The following IRAK4 variants were observed in gnomAD, a reference collection of about 807,000 sequenced individuals.
IRAK4 encodes the protein interleukin-1 receptor-associated kinase 4.
IRAK4 carries 44 observed loss-of-function variants against 51.8 expected under a neutral mutation model. The ratio of observed to expected loss-of-function variants is 0.85; its 90% CI spans 0.67 to 1.09. The LOEUF (loss-of-function observed/expected upper bound fraction) is 1.09, where lower values mean the gene tolerates loss of function less well. Ranked by LOEUF, IRAK4 falls within the 50% of genes least tolerant of loss-of-function variation. The pLI, the probability that IRAK4 is intolerant of heterozygous loss-of-function variation, is 0.00. For missense variants in IRAK4, 487 were observed against 538.0 expected (o/e 0.91, Z 0.94); for synonymous variants, 149 against 174.1 (o/e 0.86, Z 1.13).
At chr12:43,785,061 G>A (rs1025094284) in intron 10 of IRAK4, among the ~76,000 whole-genome samples, 6 of 152,026 alleles carry the variant, frequency 3.9e-5, no homozygotes, top group African/African-American at 1.2e-4. Context: ...CTGAAATCAA[G>A]GTATGGGCAA....
chr12:43,767,225 CAAAT>C (rs1353886112), intron 1 of IRAK4, among the ~76,000 whole-genome samples: 1 of 151,950 alleles, frequency 6.6e-6, no homozygotes, highest in African/African-American at 2.4e-5. Flanking sequence ...ACACGCAGAA[CAAAT>C]AAAATCCACA....
intron 5 of IRAK4, chr12:43,773,707 T>C (rs1941006723): frequency 3.2e-6 from 1 of 317,134 alleles, no homozygotes; most frequent in African/African-American, 2.1e-5. Flanking sequence ...TCAAATTTTT[T>C]TGTGTAGTGA....
chr12:43,786,702 T>C lies in IRAK4; in HGVS notation c.1370T>C (p.Met457Thr), dbSNP rs1432906616. ...AAGGTTCAACAGCTGCTGCAAGAGA[T>C]GACAGCTTCTTAAAACTTTATTGGA... ...IKKVQQLLQE[M>T]TAS The change falls in exon 12 of 12, where the codon ATG (methionine) becomes ACG (threonine). Residue 457 changes from methionine (M) to threonine (T), a missense_variant. Met to Thr is a moderately conservative substitution (Grantham distance 81). Coordinates refer to ENST00000613694, the MANE Select transcript of IRAK4 (RefSeq NM_016123.4). 8.1e-6 allele frequency: 13 copies of C among 1,613,496 alleles called. No individual in the cohort carries two copies. The highest frequency in any genetic ancestry group is 1.3e-5 in the African/African-American group (1 of 74,914).
At chr12:43,764,037 T>G (rs766066333) in intron 1 of IRAK4, among the ~76,000 whole-genome samples, 55 of 152,224 alleles carry the variant, frequency 3.6e-4, no homozygotes, top group Non-Finnish European at 5.9e-4. Flanking sequence ...CAACCTCATT[T>G]TATTGTTGCT....
intron 10 of IRAK4, among the ~76,000 whole-genome samples, chr12:43,786,137 G>A (rs149047353): frequency 4.0e-5 from 6 of 151,028 alleles, no homozygotes; most frequent in African/African-American, 1.5e-4. Context: ...GGGTTCAAAC[G>A]ATTCTCCTGC....
chr12:43,780,260 G>C (rs1190978791), intron 8 of IRAK4, among the ~76,000 whole-genome samples: 1 of 152,126 alleles, frequency 6.6e-6, no homozygotes, highest in African/African-American at 2.4e-5. Flanking sequence ...TAGGAGTATA[G>C]ACAAGTCTTT....
chr12:43,782,942 G>A (rs1419694081), intron 9 of IRAK4, among the ~76,000 whole-genome samples: 1 of 152,096 alleles, frequency 6.6e-6, no homozygotes, highest in Non-Finnish European at 1.5e-5. Context: ...TCATAGCACT[G>A]AAAATAAGGC....
At chr12:43,779,529 A>T (rs1941590629) in intron 8 of IRAK4, among the ~76,000 whole-genome samples, 1 of 152,214 alleles carries the variant, frequency 6.6e-6, no homozygotes, top group South Asian at 2.1e-4. Context: ...AGGCTATCAT[A>T]GGTGGCAGTT....
chr12:43,771,759 C>T (rs1320658857), intron 3 of IRAK4, among the ~76,000 whole-genome samples: 2 of 151,816 alleles, frequency 1.3e-5, no homozygotes, highest in Non-Finnish European at 2.9e-5. Context: ...TGTCTAGTTG[C>T]CTTCCTTATA....
chr12:43,765,163 G>A (rs537784367), intron 1 of IRAK4, among the ~76,000 whole-genome samples: 2 of 152,280 alleles, frequency 1.3e-5, no homozygotes, highest in East Asian at 3.9e-4. Context: ...ACAACAGTTT[G>A]GGCAGCCATC....
Position 43,786,758 on chromosome 12 carries a change from C to G in IRAK4, c.*43C>G, listed in dbSNP as rs769526114. 1 of 1,518,018 alleles carries G rather than the reference C, an allele frequency of 6.6e-7. No homozygotes were observed. The highest frequency in any genetic ancestry group is 9.1e-7 in the Non-Finnish European group (1 of 1,096,612). 94.0% of individuals were successfully genotyped at this position (1,518,018 alleles called of 1,614,324 possible). ...CTCTTGACTTTTTATATACACCTAT[C>G]TCAACCATTTTTTTAACTGATTTTT... is the stretch of plus-strand genomic sequence containing the variant. On this transcript the variant is annotated 3_prime_UTR_variant, in exon 12 of 12. Transcript: ENST00000613694.
Position 43,777,635 on chromosome 12 carries a change from A to G in IRAK4, c.722A>G (p.Gln241Arg). 20 of 1,604,368 alleles carry G rather than the reference A, an allele frequency of 1.2e-5. No individual in the cohort carries two copies. Among genetic ancestry groups the G allele is most frequent in the Non-Finnish European group, 1.7e-5 (20 of 1,175,238 alleles). ...DQEIKVMAKC[Q>R]HENLVELLGF... ...TGAAAAATTATTTGTCACAGGTGTC[A>G]ACATGAAAACTTAGTAGAACTACTT... Residue 241 changes from glutamine to arginine, a missense_variant, in exon 7 of 12, where the codon CAA (glutamine) becomes CGA (arginine). Coordinates refer to ENST00000613694, the MANE Select transcript of IRAK4 (RefSeq NM_016123.4).
chr12:43,762,789 C>T (rs1939704138), intron 1 of IRAK4, among the ~76,000 whole-genome samples: 1 of 152,124 alleles, frequency 6.6e-6, no homozygotes, highest in Non-Finnish European at 1.5e-5. Context: ...TACCAGGTGG[C>T]CTTTAAGGTA....
At chr12:43,770,903 T>C in intron 2 of IRAK4, 1 of 503,570 alleles carries the variant, frequency 2.0e-6, no homozygotes, top group South Asian at 1.9e-5. Context: ...CAGGAGTGGG[T>C]TAGTTATCTA....
intron 5 of IRAK4, among the ~76,000 whole-genome samples, chr12:43,773,615 T>C (rs1275039179): frequency 1.3e-5 from 2 of 152,178 alleles, no homozygotes; most frequent in Admixed American, 6.5e-5. Context: ...CTCTTTGTCA[T>C]ATATGTTGCA....
chr12:43,760,244 C>T (rs1040681788), intron 1 of IRAK4, among the ~76,000 whole-genome samples: 10 of 152,162 alleles, frequency 6.6e-5, no homozygotes, highest in Non-Finnish European at 8.8e-5. Flanking sequence ...TCTATTGGCT[C>T]CACCTCAGAA....
chr12:43,770,493 A>G (rs956920438), intron 2 of IRAK4, among the ~76,000 whole-genome samples: 1 of 152,178 alleles, frequency 6.6e-6, no homozygotes, highest in Non-Finnish European at 1.5e-5. Context: ...CTTTTTCACT[A>G]GTAAATTCAT....
At chr12:43,781,776 A>G (rs1941797786) in intron 8 of IRAK4, among the ~76,000 whole-genome samples, 1 of 152,242 alleles carries the variant, frequency 6.6e-6, no homozygotes. Context: ...GAATTAAAGT[A>G]TGAAAGCACA....
intron 10 of IRAK4, among the ~76,000 whole-genome samples, chr12:43,784,039 G>A (rs1368595660): frequency 6.6e-6 from 1 of 151,962 alleles, no homozygotes; most frequent in Non-Finnish European, 1.5e-5. Context: ...GGTGGCTACT[G>A]TTAATAACAG....
Sources: gnomAD v4.1 joint callset for allele counts (sites outside exome capture counted in the v4.1 genomes callset) on GRCh38, gnomAD v4.1.1 for gene constraint, MANE v1.5 for transcripts, NCBI Gene and HGNC (gene_info 2026-07-23, HGNC 2026-07-21) for gene names.